Variants in PTPRN2 observed in about 807,000 individuals in gnomAD.
PTPRN2 encodes protein tyrosine phosphatase receptor type N2.
In PTPRN2, 74 loss-of-function variants were observed where a neutral mutation model predicts 118.8. The observed-to-expected ratio is 0.62, with a 90% CI of 0.52 to 0.76. PTPRN2 has a LOEUF of 0.76. PTPRN2 is among the 30% of genes least tolerant of loss of function. The probability of loss-of-function intolerance (pLI) is 0.00; values close to 1 mark genes in which losing one functional copy is unlikely to be tolerated. For synonymous variants in PTPRN2, 641 were observed against 608.0 expected (o/e 1.05, Z -0.80); for missense variants, 1,481 against 1,394.4 (o/e 1.06, Z -0.99).
In PTPRN2 at chr7:158,102,091, G is replaced by T. The variant is rs180805415; in HGVS notation, c.1643+8738C>A. ...ATCGCAAACTGGACCCATGTGGCAG[G>T]CACTGAGCCCAGGTGCCAGGCAGCC... is the stretch of plus-strand genomic sequence containing the variant. On this transcript the variant is annotated intron_variant, in intron 10 of 22. Coordinates refer to ENST00000389418, the MANE Select transcript of PTPRN2 (RefSeq NM_002847.5). Among the ~76,000 whole-genome samples the T allele has an allele frequency of 7.0e-4, 107 of 152,260 alleles. 2 individuals are homozygous for T. The highest frequency in any genetic ancestry group is 2.1e-3 in the African/African-American group (88 of 41,552).
chr7:158,277,949 A>T (rs1799138644), intron 3 of PTPRN2, among the ~76,000 whole-genome samples: 1 of 151,988 alleles, frequency 6.6e-6, no homozygotes, highest in African/African-American at 2.4e-5. Context: ...CAAGGGGGGG[A>T]TGGGAGTTAG....
At chr7:157,945,549 A>G (rs1254979910) in intron 11 of PTPRN2, among the ~76,000 whole-genome samples, 1 of 152,044 alleles carries the variant, frequency 6.6e-6, no homozygotes, top group Admixed American at 6.5e-5. Context: ...AACTCGGACA[A>G]TGGCGCCTCC....
intron 11 of PTPRN2, among the ~76,000 whole-genome samples, chr7:158,058,918 G>A (rs1810052229): frequency 9.0e-6 from 1 of 111,408 alleles, no homozygotes; most frequent in Non-Finnish European, 1.8e-5. Context: ...TGCCCACAGT[G>A]AGACATCACT....
At chr7:158,387,497 A>AC (rs1811500520) in intron 2 of PTPRN2, among the ~76,000 whole-genome samples, 1 of 866 alleles carries the variant, frequency 1.2e-3, no homozygotes. Context: ...GTGGAGTGCG[A>AC]TCGGGTTACG....
At position 158,574,739 on chromosome 7, in the gene PTPRN2, C is replaced by T. The variant is rs1828232303; in HGVS notation, c.112+12819G>A. 6.6e-6 allele frequency among the ~76,000 whole-genome samples: 1 copy of T among 152,252 alleles called. No homozygotes were observed. Among genetic ancestry groups the T allele is most frequent in the Non-Finnish European group, 1.5e-5 (1 of 68,044 alleles). The stretch of plus-strand genomic sequence containing the variant: ...TAATTTAGGCCAAATTCTTCCTCTG[C>T]TACATGTGAGGACTGCATGCCCGGC... On this transcript the variant is annotated intron_variant, in intron 1 of 22. Coordinates refer to ENST00000389418, the MANE Select transcript of PTPRN2 (RefSeq NM_002847.5). This position sits in a 1 kb window ranked among gnomAD's most constrained non-coding sequence, Gnocchi z 4.6.
At chr7:158,131,256 C>T (rs921165146) in intron 9 of PTPRN2, among the ~76,000 whole-genome samples, 3 of 151,832 alleles carry the variant, frequency 2.0e-5, no homozygotes, top group African/African-American at 4.8e-5. Flanking sequence ...TACATACACA[C>T]GCAAATATGC....
intron 14 of PTPRN2, among the ~76,000 whole-genome samples, chr7:157,649,488 C>T (rs1805466762): frequency 6.8e-6 from 1 of 146,070 alleles, no homozygotes; most frequent in Non-Finnish European, 1.5e-5. Context: ...TGGGTCGGAC[C>T]CATCCACTGT....
At chr7:158,220,353 C>A (rs1019420644) in intron 3 of PTPRN2, among the ~76,000 whole-genome samples, 17 of 151,894 alleles carry the variant, frequency 1.1e-4, no homozygotes, top group Non-Finnish European at 2.9e-5. Context: ...TAAAAGGTAT[C>A]CAAATAGGAA....
chr7:158,494,816 G>A (rs1821710103), intron 1 of PTPRN2, among the ~76,000 whole-genome samples: 1 of 152,140 alleles, frequency 6.6e-6, no homozygotes, highest in Non-Finnish European at 1.5e-5. Flanking sequence ...GGGGATGCGG[G>A]GGCTTCACCT....
chr7:158,026,115 C>T (rs774098835), intron 11 of PTPRN2, among the ~76,000 whole-genome samples: 5 of 152,208 alleles, frequency 3.3e-5, no homozygotes, highest in African/African-American at 7.2e-5. Context: ...AGATGGAAAC[C>T]GGGGTCGGCG....
intron 12 of PTPRN2, among the ~76,000 whole-genome samples, chr7:157,705,536 C>T (rs770838141): frequency 2.4e-4 from 36 of 152,136 alleles, no homozygotes; most frequent in Non-Finnish European, 5.9e-5. Flanking sequence ...TCACATCCCC[C>T]AGAATGCTGG....
chr7:158,530,050 C>G (rs1210422468), intron 1 of PTPRN2, among the ~76,000 whole-genome samples: 3 of 152,252 alleles, frequency 2.0e-5, no homozygotes, highest in Non-Finnish European at 2.9e-5. Context: ...TCTGTCACAA[C>G]CAAGAGGGAA....
chr7:158,162,287 T>A (rs1822429946), intron 6 of PTPRN2, among the ~76,000 whole-genome samples: 1 of 152,206 alleles, frequency 6.6e-6, no homozygotes, highest in African/African-American at 2.4e-5. Flanking sequence ...AAAACCTGCA[T>A]GAGGGTGCTT....
intron 6 of PTPRN2, among the ~76,000 whole-genome samples, chr7:158,141,997 G>T (rs1819429011): frequency 6.6e-6 from 1 of 152,326 alleles, no homozygotes; most frequent in South Asian, 2.1e-4. Context: ...TCTGGCCGAC[G>T]TTGAGGCCTC....
intron 2 of PTPRN2, among the ~76,000 whole-genome samples, chr7:158,440,817 AGTAGTG>A (rs1177130215): frequency 0.029 from 835 of 28,886 alleles, 15 homozygotes; most frequent in African/African-American, 0.039. Context: ...TGGTGGTAGT[AGTAGTG>A]GTGGTGGTGG....
chr7:157,624,986 A>G (rs923696948), intron 14 of PTPRN2, among the ~76,000 whole-genome samples: 4 of 152,358 alleles, frequency 2.6e-5, no homozygotes, highest in African/African-American at 9.6e-5. Context: ...AAAATGCTCA[A>G]CATCACTAAT....
At chr7:158,149,886 G>C (rs1820776708) in intron 6 of PTPRN2, among the ~76,000 whole-genome samples, 1 of 151,038 alleles carries the variant, frequency 6.6e-6, no homozygotes, top group African/African-American at 2.4e-5. Context: ...TCTAAGTTAT[G>C]CTGAACAAAA....
At chr7:157,809,272 G>A (rs113450002) in intron 12 of PTPRN2, among the ~76,000 whole-genome samples, 38 of 135,984 alleles carry the variant, frequency 2.8e-4, no homozygotes, top group East Asian at 8.4e-4. Flanking sequence ...GAAGGAGCCC[G>A]GCACCACCCC....
intron 12 of PTPRN2, among the ~76,000 whole-genome samples, chr7:157,748,551 TGAGG>T (rs1801196874): frequency 6.7e-6 from 1 of 149,534 alleles, no homozygotes; most frequent in Non-Finnish European, 1.5e-5. Flanking sequence ...CGGGTGATTC[TGAGG>T]CCTGCGTCCC....
Sources: allele counts gnomAD v4.1 joint callset (sites outside exome capture counted in the v4.1 genomes callset), GRCh38; gene constraint gnomAD v4.1.1; non-coding constraint Gnocchi (gnomAD v3.1); transcripts MANE v1.5; gene names NCBI Gene and HGNC (gene_info 2026-07-23, HGNC 2026-07-21).